ENG: variants seen among roughly 807,000 people sequenced by gnomAD.
ENG encodes the protein CD105 antigen.
In ENG, 17 loss-of-function variants were observed where a neutral mutation model predicts 71.0. That is an observed-to-expected ratio of 0.24 (90% CI 0.16 to 0.36). ENG has a LOEUF of 0.36. Ranked by LOEUF, ENG falls within the 10% of genes least tolerant of loss-of-function variation. ENG has a pLI of 1.00. For synonymous variants in ENG, 360 were observed against 366.9 expected (o/e 0.98, Z 0.21); for missense variants, 749 against 868.3 (o/e 0.86, Z 1.73).
intron 13 of ENG, chr9:127,816,531 A>C: frequency 7.5e-6 from 2 of 265,306 alleles, no homozygotes; most frequent in South Asian, 4.5e-5. Flanking sequence ...CTGTGTGGCT[A>C]TGGGCCAAGC....
intron 1 of ENG, among the ~76,000 whole-genome samples, chr9:127,843,654 C>T (rs1831096448): frequency 7.2e-6 from 1 of 139,234 alleles, no homozygotes; most frequent in African/African-American, 2.7e-5. Context: ...TATATACATA[C>T]ACACACATAT....
intron 14 of ENG, 40 bp downstream of exon 14, chr9:127,815,903 G>A (rs1245987700): frequency 7.0e-6 from 11 of 1,575,580 alleles, no homozygotes; most frequent in South Asian, 1.2e-5. Flanking sequence ...GGTGGATGGA[G>A]GGGCCCGGCA....
intron 2 of ENG, among the ~76,000 whole-genome samples, chr9:127,840,504 A>C (rs149159901): frequency 0.012 from 1,756 of 152,034 alleles, 17 homozygotes; most frequent in South Asian, 0.027. Context: ...TGAGGCAAAA[A>C]ACAAACAAAC....
chr9:127,851,748 G>A (rs1481453793), intron 1 of ENG, among the ~76,000 whole-genome samples: 5 of 151,886 alleles, frequency 3.3e-5, no homozygotes, highest in Admixed American at 6.6e-5. Flanking sequence ...GTGTGGGGCC[G>A]GCGCCTGTAG....
chr9:127,841,554 T>G (rs903404535), intron 2 of ENG, among the ~76,000 whole-genome samples: 2 of 152,206 alleles, frequency 1.3e-5, no homozygotes, highest in African/African-American at 4.8e-5. Flanking sequence ...ATCTATGATT[T>G]GGAAATTATC....
chr9:127,840,362 G>A (rs577060116), intron 2 of ENG, among the ~76,000 whole-genome samples: 7 of 152,204 alleles, frequency 4.6e-5, no homozygotes, highest in Non-Finnish European at 7.3e-5. Context: ...TTGGGAGGCC[G>A]AGGTGGGCGG....
At chr9:127,828,019 CAAAAAAAAAAAA>C (rs997493323) in intron 3 of ENG, among the ~76,000 whole-genome samples, 5 of 31,210 alleles carry the variant, frequency 1.6e-4, no homozygotes, top group Admixed American at 3.3e-4. Context: ...AACTCCATCT[CAAAAAAAAAAAA>C]AAAAAAAAAA....
intron 6 of ENG, 49 bp from the exon 7 acceptor site, chr9:127,825,023 GC>G: frequency 6.3e-7 from 1 of 1,598,754 alleles, no homozygotes; most frequent in Non-Finnish European, 8.5e-7. Flanking sequence ...CACAGTCTGT[GC>G]CACAGCAGGC....
At chr9:127,840,336 C>T (rs1484501233) in intron 2 of ENG, among the ~76,000 whole-genome samples, 1 of 152,228 alleles carries the variant, frequency 6.6e-6, no homozygotes, top group Non-Finnish European at 1.5e-5. Context: ...TGGCTCATGC[C>T]TGTAATCCCA....
rs1404273054 is a variant in ENG, at chr9:127,836,907, C to T, written c.219+6187G>A. Reference sequence around the variant, plus strand: ...GGTTCAAGTAATTCTGCTGGTTCAGCCTCCTGAGTAGCTGGGACTACAGGC... The same window carrying T: ...GGTTCAAGTAATTCTGCTGGTTCAGTCTCCTGAGTAGCTGGGACTACAGGC... On this transcript the variant is annotated intron_variant, in intron 2 of 14. Transcript: ENST00000373203. The surrounding 1 kb of genome is among the most constrained non-coding windows in gnomAD (Gnocchi z 4.0). Among the ~76,000 whole-genome samples the T allele has an allele frequency of 6.6e-6, 1 of 152,136 alleles. No homozygotes were observed. Among genetic ancestry groups the T allele is most frequent in the African/African-American group, 2.4e-5 (1 of 41,424 alleles).
At chr9:127,822,823 C>G (rs1451894959) in intron 8 of ENG, among the ~76,000 whole-genome samples, 1 of 152,164 alleles carries the variant, frequency 6.6e-6, no homozygotes, top group South Asian at 2.1e-4. Context: ...CTAATTTTCA[C>G]ATATTTTTTA....
intron 1 of ENG, among the ~76,000 whole-genome samples, chr9:127,852,463 T>C (rs1025766677): frequency 3.0e-4 from 46 of 152,216 alleles, no homozygotes; most frequent in African/African-American, 1.1e-3. Context: ...GTTGGGTTGA[T>C]GGTCTGTTGT....
At chr9:127,837,997 C>T (rs1830945238) in intron 2 of ENG, among the ~76,000 whole-genome samples, 1 of 152,142 alleles carries the variant, frequency 6.6e-6, no homozygotes, top group African/African-American at 2.4e-5. Flanking sequence ...GCCTCTGGCC[C>T]CAGTGCTTTC....
intron 1 of ENG, among the ~76,000 whole-genome samples, chr9:127,851,108 A>G (rs41343949): frequency 6.6e-6 from 1 of 152,374 alleles, no homozygotes; most frequent in Non-Finnish European, 1.5e-5. Context: ...ACCTGTATCA[A>G]TAAAGGAGTT....
rs754600063 is a variant in ENG, at chr9:127,818,369, C to T, written c.1437G>A (p.Val479=). Residue 479 remains valine, a synonymous_variant, in exon 12 of 15, where the codon GTG becomes GTA. Coordinates refer to ENST00000373203, the MANE Select transcript of ENG (RefSeq NM_001114753.3). ...PGQQSFVQVR[V]SPSVSEFLLQ... ...GCAGGAACTCGGAGACGGATGGGGACACTCTGACCTGCATGGGTAGGTAGG... is the reference window on the plus strand; with the variant it reads ...GCAGGAACTCGGAGACGGATGGGGATACTCTGACCTGCATGGGTAGGTAGG... 37 of 1,613,510 alleles carry T rather than the reference C, an allele frequency of 2.3e-5. No individual in the cohort carries two copies. The highest frequency in any genetic ancestry group is 2.9e-5 in the Non-Finnish European group (34 of 1,180,024).
intron 10 of ENG, 33 bp downstream of exon 10, chr9:127,819,589 C>T: frequency 1.9e-6 from 3 of 1,612,342 alleles, no homozygotes; most frequent in South Asian, 2.2e-5. Flanking sequence ...AGCCCCTGGG[C>T]CAGGTGGGTT....
chr9:127,854,105 A>G (rs750268051), intron 1 of ENG, among the ~76,000 whole-genome samples, 184 bp downstream of exon 1: 5 of 152,222 alleles, frequency 3.3e-5, no homozygotes, highest in Admixed American at 6.5e-5. Context: ...GCTTTCTTTC[A>G]ACACTGAAAG....
chr9:127,835,391 T>C (rs751380482), intron 2 of ENG, among the ~76,000 whole-genome samples: 1 of 152,120 alleles, frequency 6.6e-6, no homozygotes, highest in Non-Finnish European at 1.5e-5. Context: ...ACTGCACCTC[T>C]CTCCCAGATT....
rs779815395 is a variant in ENG, at chr9:127,824,871, T to C, written c.920A>G (p.Asn307Ser). ...QGLLGEARMLNASIVASFVEL... is the reference protein window; with the variant it reads ...QGLLGEARMLSASIVASFVEL... ...CACGAAGGATGCCACAATGCTGGCA[T>C]TGAGCATCCGGGCCTCCCCCAGGAG... The change falls in exon 7 of 15, where the codon AAT (asparagine) becomes AGT (serine). Residue 307 changes from asparagine to serine, a missense_variant. Physicochemically the swap from Asn to Ser is conservative, Grantham distance 46 (BLOSUM62 1). Coordinates refer to ENST00000373203, the MANE Select transcript of ENG (RefSeq NM_001114753.3). The C allele has an allele frequency of 3.1e-6, 5 of 1,611,214 alleles. No homozygotes were observed. The highest frequency in any genetic ancestry group is 2.2e-5 in the South Asian group (2 of 90,730).
Sources: allele counts gnomAD v4.1 joint callset (sites outside exome capture counted in the v4.1 genomes callset), GRCh38; gene constraint gnomAD v4.1.1; non-coding constraint Gnocchi (gnomAD v3.1); transcripts MANE v1.5; gene names NCBI Gene and HGNC (gene_info 2026-07-23, HGNC 2026-07-21).